The following AFF1 variants were observed in gnomAD, a reference collection of about 807,000 sequenced individuals.
AFF1 encodes AF4/FMR2 family member 1.
Under a neutral mutation model 121.7 loss-of-function variants are expected in AFF1, and 48 were observed. The ratio of observed to expected loss-of-function variants is 0.39; its 90% CI spans 0.31 to 0.50. The LOEUF (loss-of-function observed/expected upper bound fraction) is 0.50, where lower values mean the gene tolerates loss of function less well. Ranked by LOEUF, AFF1 falls within the 20% of genes least tolerant of loss-of-function variation. The probability of loss-of-function intolerance (pLI) is 0.76; values close to 1 mark genes in which losing one functional copy is unlikely to be tolerated. For missense variants in AFF1, 1,523 were observed against 1,511.7 expected, an observed-to-expected ratio of 1.01 and a Z score of -0.12; for synonymous variants, 613 against 563.0, an observed-to-expected ratio of 1.09 and a Z score of -1.26.
At chr4:87,061,852 A>T (rs1164926246) in intron 4 of AFF1, among the ~76,000 whole-genome samples, 1 of 121,248 alleles carries the variant, frequency 8.2e-6, no homozygotes, top group Admixed American at 7.7e-5. Flanking sequence ...TGTCCTTAAA[A>T]AAATGTGATT....
At chr4:87,062,309 C>T (rs57516814) in intron 4 of AFF1, among the ~76,000 whole-genome samples, 9,557 of 152,198 alleles carry the variant, frequency 0.063, 623 homozygotes, top group African/African-American at 0.16. Flanking sequence ...TTGCTACGTC[C>T]TCATGTGGCA....
intron 8 of AFF1, among the ~76,000 whole-genome samples, chr4:87,100,439 A>G (rs1005116737): frequency 2.0e-5 from 3 of 152,080 alleles, no homozygotes; most frequent in Non-Finnish European, 4.4e-5. Context: ...CAAGACTTGC[A>G]TTGTGCTCTC....
In AFF1 at chr4:87,024,009, CT is replaced by C. The variant is rs150115259; in HGVS notation, c.39-22153del. ...AATTTTGATCTATGGTAATAGCAGT[CT>C]TTTATTAAGCAATTATTTATTGAGC... On this transcript the variant is annotated intron_variant, in intron 2 of 20. Transcript: ENST00000395146. Among the ~76,000 whole-genome samples, 561 of 152,222 alleles carry C rather than the reference CT, an allele frequency of 3.7e-3. 4 individuals carry two copies. The highest frequency in any genetic ancestry group is 0.013 in the African/African-American group (531 of 41,514).
Position 87,138,195 on chromosome 4 carries a change from G to A in AFF1, c.*2494G>A, listed in dbSNP as rs1335024708. 2 of 232,564 alleles carry A rather than the reference G, an allele frequency of 8.6e-6. No individual in the cohort carries two copies. Among genetic ancestry groups the A allele is most frequent in the Admixed American group, 5.6e-5 (1 of 17,772 alleles). The allele number at this position is 232,564 out of a possible 1,614,324, so 14.4% of individuals were successfully genotyped here. ...AATGGTAACCTTTTTAATAGAGTAT[G>A]TGAAAGGTAGTGGCTGATGAATCCT... On this transcript the variant is annotated 3_prime_UTR_variant, in exon 21 of 21. Coordinates refer to ENST00000395146, the MANE Select transcript of AFF1 (RefSeq NM_001166693.3).
intron 12 of AFF1, among the ~76,000 whole-genome samples, chr4:87,122,178 T>G (rs1242589318): frequency 1.3e-5 from 2 of 152,220 alleles, no homozygotes; most frequent in Non-Finnish European, 2.9e-5. Flanking sequence ...AAGACAAAGT[T>G]TCTGTCTTGT....
intron 1 of AFF1, among the ~76,000 whole-genome samples, chr4:86,942,988 T>C (rs762055118): frequency 6.6e-6 from 1 of 152,138 alleles, no homozygotes; most frequent in Admixed American, 6.6e-5. Flanking sequence ...ATAAGCATAA[T>C]GGAGTAGAGA....
At chr4:87,090,105 A>G (rs1428604622) in intron 6 of AFF1, 35 bp downstream of exon 6, 1 of 1,543,206 alleles carries the variant, frequency 6.5e-7, no homozygotes, top group Non-Finnish European at 9.0e-7. Flanking sequence ...CATTGCATCC[A>G]CCTTAGTGAA....
At chr4:86,979,258 C>T (rs996836582) in intron 2 of AFF1, among the ~76,000 whole-genome samples, 14 of 152,144 alleles carry the variant, frequency 9.2e-5, no homozygotes, top group South Asian at 2.1e-4. Context: ...CCACGAAGCC[C>T]GGCTGAATTT....
intron 12 of AFF1, 75 bp downstream of exon 12, chr4:87,115,374 C>G: frequency 1.7e-5 from 24 of 1,398,756 alleles, no homozygotes; most frequent in Non-Finnish European, 2.2e-5. Context: ...TTTGATCGGC[C>G]TTTGATTTAG....
chr4:86,942,911 A>G (rs1468833120), intron 1 of AFF1, among the ~76,000 whole-genome samples: 1 of 152,234 alleles, frequency 6.6e-6, no homozygotes, highest in Non-Finnish European at 1.5e-5. Context: ...TTGCTGTAGG[A>G]GAAACATAAA....
intron 4 of AFF1, among the ~76,000 whole-genome samples, chr4:87,069,001 G>C (rs780124248): frequency 2.6e-5 from 4 of 152,190 alleles, no homozygotes; most frequent in African/African-American, 4.8e-5. Context: ...TGGGGAGGAT[G>C]GAGGGTAGGG....
At chr4:86,990,878 G>A (rs1453456965) in intron 2 of AFF1, among the ~76,000 whole-genome samples, 2 of 152,180 alleles carry the variant, frequency 1.3e-5, no homozygotes, top group South Asian at 2.1e-4. Context: ...TAGGCTGAGC[G>A]CGGTGGCTCA....
chr4:86,960,573 A>G (rs1722077727), intron 2 of AFF1, among the ~76,000 whole-genome samples: 1 of 152,238 alleles, frequency 6.6e-6, no homozygotes, highest in South Asian at 2.1e-4. Context: ...GTGTAGTTAC[A>G]AGGCTTTGAG....
At chr4:87,108,351 G>C in intron 11 of AFF1, 36 bp downstream of exon 11, 1 of 1,602,046 alleles carries the variant, frequency 6.2e-7, no homozygotes, top group South Asian at 1.1e-5. Context: ...CACCTTAGAT[G>C]GCAGCATTCT....
intron 4 of AFF1, among the ~76,000 whole-genome samples, chr4:87,078,827 ATTTT>A (rs914405645): frequency 2.0e-5 from 3 of 150,466 alleles, no homozygotes; most frequent in African/African-American, 7.3e-5. Flanking sequence ...ACCTATTGGG[ATTTT>A]TTTTTTAAGC....
chr4:87,115,247 G>A lies in AFF1; in HGVS notation c.2414G>A (p.Ser805Asn), dbSNP rs777601874. 1.1e-5 allele frequency: 17 copies of A among 1,613,678 alleles called. No individual in the cohort carries two copies. The East Asian group carries it at 3.3e-4, about 32-fold the overall frequency. The change falls in exon 12 of 21, where the codon AGC becomes AAC. Residue 805 changes from serine to asparagine, a missense_variant. Ser to Asn is a conservative substitution (Grantham distance 46). This residue lies in a region of AFF1 where 905 missense variants were observed against 842.5 expected (regional missense o/e 1.07). Coordinates refer to ENST00000395146, the MANE Select transcript of AFF1 (RefSeq NM_001166693.3). Reference sequence around the variant, plus strand: ...CAGCCGCCCGCAGGGAAGAAGCACAGCTCTGAGAAGAGGAGCTCAGACAGC... The same window carrying A: ...CAGCCGCCCGCAGGGAAGAAGCACAACTCTGAGAAGAGGAGCTCAGACAGC... ...DKQPPAGKKH[S>N]SEKRSSDSSS...
chr4:87,092,994 AG>A (rs1394349116), intron 7 of AFF1, among the ~76,000 whole-genome samples: 3 of 152,196 alleles, frequency 2.0e-5, no homozygotes, highest in African/African-American at 7.2e-5. Flanking sequence ...CTGGTCATGC[AG>A]GTGGCATGTC....
At chr4:87,100,655 G>C (rs2149735889) in intron 8 of AFF1, among the ~76,000 whole-genome samples, 1 of 152,266 alleles carries the variant, frequency 6.6e-6, no homozygotes, top group South Asian at 2.1e-4. Flanking sequence ...TAGCCATAGG[G>C]TCTAGAGCAG....
At position 87,066,403 on chromosome 4, in the gene AFF1, A is replaced by G. The variant is rs116355714; in HGVS notation, c.1060-17717A>G. ...GTTTTGAGACTAGCCTAGGCAACAT[A>G]GACCGCCCCCCATCCCTATAAATAT... On this transcript the variant is annotated intron_variant, in intron 4 of 20. Transcript: ENST00000395146. 2.2e-3 allele frequency among the ~76,000 whole-genome samples: 329 copies of G among 152,252 alleles called. 1 individual carries two copies. Among genetic ancestry groups the G allele is most frequent in the African/African-American group, 7.7e-3 (320 of 41,534 alleles).
Sources: gnomAD v4.1 joint callset for allele counts (sites outside exome capture counted in the v4.1 genomes callset) on GRCh38, gnomAD v4.1.1 for gene constraint, gnomAD v4.1.1 regional missense constraint, MANE v1.5 for transcripts, NCBI Gene and HGNC (gene_info 2026-07-23, HGNC 2026-07-21) for gene names.